The following GET1 variants were observed in gnomAD, a reference collection of about 807,000 sequenced individuals.
GET1 encodes the protein guided entry of tail-anchored proteins factor 1, also known as congenital heart disease 5 protein.
Under a neutral mutation model 22.6 loss-of-function variants are expected in GET1, and 20 were observed. The ratio of observed to expected loss-of-function variants is 0.89; its 90% CI spans 0.62 to 1.29. The LOEUF is 1.29. Among genes scored for constraint, GET1 ranks in the 50% most tolerant of loss-of-function variants. The pLI, the probability that GET1 is intolerant of heterozygous loss-of-function variation, is 0.00. For synonymous variants in GET1, 92 were observed against 83.8 expected, an observed-to-expected ratio of 1.10 and a Z score of -0.53; for missense variants, 209 against 219.9, an observed-to-expected ratio of 0.95 and a Z score of 0.31.
Position 39,380,565 on chromosome 21 carries a change from G to A in GET1, c.102+79G>A, listed in dbSNP as rs1601586712. 2.5e-5 allele frequency: 38 copies of A among 1,547,108 alleles called. No individual in the cohort carries two copies. In the East Asian group the frequency reaches 8.7e-4, roughly 35 times the overall value. ...CGGCGGGTCTGGCGTAGGTACAGGGGTCTCAACTGGGCGACTGAAGGCCGT... is the reference window on the plus strand; with the variant it reads ...CGGCGGGTCTGGCGTAGGTACAGGGATCTCAACTGGGCGACTGAAGGCCGT... On this transcript the variant is annotated intron_variant, in intron 1 of 4. Transcript: ENST00000649170.
At chr21:39,416,837 C>G (rs932639947) in intron 1 of GET1, among the ~76,000 whole-genome samples, 4 of 152,142 alleles carry the variant, frequency 2.6e-5, no homozygotes, top group Non-Finnish European at 5.9e-5. Context: ...TGTGTCCTTA[C>G]AGTGTATCTC....
chr21:39,423,311 T>A, intron 1 of GET1: 2 of 1,611,370 alleles, frequency 1.2e-6, no homozygotes, highest in Non-Finnish European at 1.7e-6. Flanking sequence ...TCTGTAAGGA[T>A]GGCTTCCAAT....
chr21:39,418,032 C>T (rs2041592190), intron 1 of GET1, among the ~76,000 whole-genome samples: 1 of 152,214 alleles, frequency 6.6e-6, no homozygotes, highest in Admixed American at 6.5e-5. Context: ...TCCCAAAGTG[C>T]TGGGATTACA....
intron 4 of GET1, among the ~76,000 whole-genome samples, chr21:39,404,647 G>A (rs1406190862): frequency 6.6e-6 from 1 of 150,980 alleles, no homozygotes; most frequent in African/African-American, 2.4e-5. Context: ...CTACTCTGTA[G>A]GCTGAGACAC....
chr21:39,389,304 C>A (rs1347504164), intron 1 of GET1, among the ~76,000 whole-genome samples: 1 of 151,016 alleles, frequency 6.6e-6, no homozygotes, highest in Admixed American at 6.6e-5. Flanking sequence ...TTTTTTGAGA[C>A]AAGGTCTCAC....
intron 1 of GET1, chr21:39,420,663 G>A: frequency 6.5e-7 from 1 of 1,549,792 alleles, no homozygotes. Context: ...ATATATTTCG[G>A]GAAACAGGAT....
chr21:39,396,746 C>A, intron 4 of GET1, 120 bp from the exon 5 acceptor site: 1 of 771,018 alleles, frequency 1.3e-6, no homozygotes, highest in Non-Finnish European at 2.1e-6. Context: ...AACTTCACTT[C>A]AGCCCAGCAC....
rs771383009 is a variant in GET1, at chr21:39,396,847, T to G, written c.452-19T>G. The G allele has an allele frequency of 1.2e-6, 2 of 1,613,290 alleles. No homozygotes were observed. Among genetic ancestry groups the G allele is most frequent in the African/African-American group, 2.7e-5 (2 of 74,836 alleles). On this transcript the variant is annotated intron_variant, in intron 4 of 4. Transcript: ENST00000649170. ...GCACTGCTGGTATGCGCTCTCATGG[T>G]GAATGTCTTTGTTTTCAGGTGGTGT...
chr21:39,385,341 G>A (rs1387333050), intron 1 of GET1, among the ~76,000 whole-genome samples: 1 of 152,136 alleles, frequency 6.6e-6, no homozygotes, highest in African/African-American at 2.4e-5. Context: ...TAGGAGGTCT[G>A]AAGTATCAGA....
rs547317826 is a variant in GET1 at position 39,424,433 on chromosome 21, A to G, written c.*24-3799A>G. 1.2e-4 allele frequency among the ~76,000 whole-genome samples: 18 copies of G among 152,292 alleles called. No individual in the cohort carries two copies. In the South Asian group the frequency reaches 3.1e-3, roughly 26 times the overall value. On this transcript the variant is annotated intron_variant, in intron 1 of 1. Transcript: ENST00000478273. ...GAGTTTGAGGCTGCAGTGAGCTATG[A>G]TTGCACCACTGCATTCCAGCCTGGG...
downstream of GET1, among the ~76,000 whole-genome samples, chr21:39,402,777 G>C (rs1024667145): frequency 1.3e-5 from 2 of 152,130 alleles, no homozygotes; most frequent in African/African-American, 4.8e-5. Flanking sequence ...GTAAAGTTAT[G>C]TTCATCATAG....
downstream of GET1, among the ~76,000 whole-genome samples, chr21:39,401,944 C>T (rs960491084): frequency 2.1e-4 from 32 of 152,180 alleles, no homozygotes; most frequent in African/African-American, 6.3e-4. Context: ...TGGCCATTCC[C>T]GTCTCTCCCC....
At position 39,390,698 on chromosome 21, in the gene GET1, A is replaced by T. The variant is rs1367588930; in HGVS notation, c.103A>T (p.Met35Leu). 3.7e-6 allele frequency: 6 copies of T among 1,614,098 alleles called. No individual in the cohort carries two copies. In the African/African-American group the frequency reaches 5.3e-5, roughly 14 times the overall value. The part of the protein sequence containing the change: ...RILLPSFSSF[M>L]SRVLQKDAEQ... Reference sequence around the variant, plus strand: ...TGATCCCCGTTGTCCGCCCTGCCAGATGTCCAGGGTGCTGCAGAAGGACGC... The same window carrying T: ...TGATCCCCGTTGTCCGCCCTGCCAGTTGTCCAGGGTGCTGCAGAAGGACGC... The change falls in exon 2 of 5, where the codon ATG becomes TTG. Residue 35 changes from methionine to leucine, a missense_variant and splice_region_variant. By Grantham distance (15) the Met-to-Leu change is conservative. Coordinates refer to ENST00000649170, the MANE Select transcript of GET1 (RefSeq NM_004627.6).
chr21:39,410,988 G>T (rs1028772511), downstream of GET1: 1 of 467,350 alleles, frequency 2.1e-6, no homozygotes, highest in African/African-American at 2.0e-5. Context: ...GGGAGATTTT[G>T]GGGGGAAAGC....
downstream of GET1, chr21:39,411,024 A>T: frequency 2.3e-6 from 1 of 441,060 alleles, no homozygotes; most frequent in Non-Finnish European, 4.6e-6. Flanking sequence ...GAAGAAAAGA[A>T]GACCTCACCA....
At position 39,397,047 on chromosome 21, in the gene GET1, G is replaced by T; in HGVS notation, c.*108G>T. ...TTAAGAAACAAAAGTGCATAGTTTA[G>T]ATTTTTTTTTTGTTGAATATGTTTG... On this transcript the variant is annotated 3_prime_UTR_variant, in exon 5 of 5. Transcript: ENST00000649170. 2.5e-6 allele frequency: 3 copies of T among 1,223,764 alleles called. No individual in the cohort carries two copies. The highest frequency in any genetic ancestry group is 3.0e-5 in the African/African-American group (2 of 65,608). 75.8% of individuals were successfully genotyped at this position (1,223,764 alleles called of 1,614,324 possible).
At chr21:39,398,049 T>A (rs1465532441), downstream of GET1, among the ~76,000 whole-genome samples, 1 of 152,178 alleles carries the variant, frequency 6.6e-6, no homozygotes, top group Non-Finnish European at 1.5e-5. Context: ...TTCCACTTAC[T>A]CAAACACACA....
At chr21:39,401,860 G>A (rs900101554), downstream of GET1, among the ~76,000 whole-genome samples, 1 of 151,930 alleles carries the variant, frequency 6.6e-6, no homozygotes, top group African/African-American at 2.4e-5. Context: ...TTGTTTTGGG[G>A]CATCAAGAAC....
At chr21:39,406,241 T>C in exon 5 of GET1, 2 of 1,614,242 alleles carry the variant, frequency 1.2e-6, no homozygotes, top group Non-Finnish European at 1.7e-6. Flanking sequence ...GTACTATGAC[T>C]GTACCTCATG....
Sources: gnomAD v4.1 joint callset for allele counts (sites outside exome capture counted in the v4.1 genomes callset) on GRCh38, gnomAD v4.1.1 for gene constraint, MANE v1.5 for transcripts, NCBI Gene and HGNC (gene_info 2026-07-23, HGNC 2026-07-21) for gene names.